The following SUGCT variants were observed in gnomAD, a reference collection of about 807,000 sequenced individuals.
SUGCT encodes the protein succinyl-CoA:glutarate CoA-transferase.
Under a neutral mutation model 55.0 loss-of-function variants are expected in SUGCT, and 41 were observed. The observed-to-expected ratio is 0.74, with a 90% CI of 0.58 to 0.97. The LOEUF (loss-of-function observed/expected upper bound fraction) is 0.97. Among genes scored for constraint, SUGCT ranks in the 50% least tolerant of loss-of-function variants. SUGCT has a pLI of 0.00. For synonymous variants in SUGCT, 187 were observed against 200.4 expected, an observed-to-expected ratio of 0.93 and a Z score of 0.56; for missense variants, 568 against 547.8, an observed-to-expected ratio of 1.04 and a Z score of -0.37.
intron 1 of SUGCT, among the ~76,000 whole-genome samples, chr7:40,138,461 G>A (rs1412633171): frequency 6.6e-6 from 1 of 152,212 alleles, no homozygotes; most frequent in Admixed American, 6.5e-5. Context: ...AAACATATGA[G>A]TGCAGGTGTC....
intron 7 of SUGCT, among the ~76,000 whole-genome samples, chr7:40,240,494 A>G (rs1029606284): frequency 6.6e-6 from 1 of 152,140 alleles, no homozygotes; most frequent in African/African-American, 2.4e-5. Flanking sequence ...CAAAAAAAAA[A>G]AGAAAAGAAT....
chr7:40,485,457 G>A (rs1175868859), intron 11 of SUGCT, among the ~76,000 whole-genome samples: 1 of 97,902 alleles, frequency 1.0e-5, no homozygotes, highest in Non-Finnish European at 1.9e-5. Flanking sequence ...ACTCGGTCTT[G>A]CTCTTTCACC....
At chr7:40,634,887 C>T (rs1460809482) in intron 12 of SUGCT, among the ~76,000 whole-genome samples, 1 of 152,112 alleles carries the variant, frequency 6.6e-6, no homozygotes, top group African/African-American at 2.4e-5. Context: ...AATAACTCAT[C>T]ACAAATCTTG....
the SUGCT span, among the ~76,000 whole-genome samples, chr7:40,871,116 A>G: frequency 1.3e-5 from 2 of 152,218 alleles, no homozygotes; most frequent in Admixed American, 1.3e-4. Context: ...GCTAATTGTT[A>G]CTGGAATATC....
At chr7:40,314,125 G>A (rs988490355) in intron 8 of SUGCT, among the ~76,000 whole-genome samples, 1 of 152,146 alleles carries the variant, frequency 6.6e-6, no homozygotes, top group East Asian at 1.9e-4. Context: ...TGAAAAGAAA[G>A]AATAAGATAG....
At chr7:40,147,720 T>G (rs1788332663) in intron 1 of SUGCT, among the ~76,000 whole-genome samples, 3 of 152,168 alleles carry the variant, frequency 2.0e-5, no homozygotes, top group Admixed American at 1.3e-4. Context: ...GGTCCTGATT[T>G]CTCACCCCTG....
intron 13 of SUGCT, among the ~76,000 whole-genome samples, chr7:40,768,073 C>T (rs545251101): frequency 1.3e-5 from 2 of 152,264 alleles, no homozygotes; most frequent in South Asian, 2.1e-4. Flanking sequence ...ATGCCCCATA[C>T]TCCCTCAGGG....
intron 7 of SUGCT, among the ~76,000 whole-genome samples, chr7:40,246,165 C>T (rs1789860625): frequency 6.6e-6 from 1 of 152,138 alleles, no homozygotes; most frequent in Non-Finnish European, 1.5e-5. Flanking sequence ...CCAAGCAATA[C>T]TACCTCCTCC....
intron 13 of SUGCT, among the ~76,000 whole-genome samples, chr7:40,837,063 A>G (rs1313552849): frequency 6.6e-6 from 1 of 152,222 alleles, no homozygotes; most frequent in Non-Finnish European, 1.5e-5. Context: ...ACAGCAATGT[A>G]TGAGTGATCC....
intron 13 of SUGCT, among the ~76,000 whole-genome samples, chr7:40,858,817 G>C (rs1318084330): frequency 6.6e-6 from 1 of 152,336 alleles, no homozygotes; most frequent in Non-Finnish European, 1.5e-5. Flanking sequence ...CTAAGCTTCA[G>C]AGAAGGAAAA....
At chr7:40,196,861 G>A (rs1290931906) in intron 6 of SUGCT, among the ~76,000 whole-genome samples, 1 of 152,124 alleles carries the variant, frequency 6.6e-6, no homozygotes, top group Non-Finnish European at 1.5e-5. Flanking sequence ...TGGAGGCAGT[G>A]TATCTCTCTG....
At chr7:40,826,080 T>G (rs1267649521) in intron 13 of SUGCT, among the ~76,000 whole-genome samples, 1 of 152,238 alleles carries the variant, frequency 6.6e-6, no homozygotes, top group Non-Finnish European at 1.5e-5. Flanking sequence ...ACTGCATTTT[T>G]AAATCCTCAT....
intron 8 of SUGCT, among the ~76,000 whole-genome samples, chr7:40,310,089 G>C (rs920484685): frequency 2.0e-5 from 3 of 152,134 alleles, no homozygotes; most frequent in Admixed American, 1.3e-4. Context: ...TGTATGGAAA[G>C]GGGGAGGAAA....
intron 9 of SUGCT, among the ~76,000 whole-genome samples, chr7:40,352,397 T>G (rs1267284644): frequency 2.0e-5 from 3 of 152,176 alleles, no homozygotes; most frequent in African/African-American, 7.2e-5. Flanking sequence ...CACTGGAGTT[T>G]GGAGTACAGA....
the SUGCT span, among the ~76,000 whole-genome samples, chr7:41,034,699 G>C: frequency 0.29 from 44,495 of 152,088 alleles, 7,744 homozygotes; most frequent in Admixed American, 0.44. Context: ...CTTCTTCTGC[G>C]TGTCCATTCA....
intron 12 of SUGCT, among the ~76,000 whole-genome samples, chr7:40,691,304 G>A (rs1784688775): frequency 6.6e-6 from 1 of 151,648 alleles, no homozygotes; most frequent in South Asian, 2.1e-4. Context: ...TAATTTATGT[G>A]AGAAACTTTT....
intron 13 of SUGCT, among the ~76,000 whole-genome samples, chr7:40,843,348 A>G (rs1025938374): frequency 6.6e-6 from 1 of 152,056 alleles, no homozygotes; most frequent in Non-Finnish European, 1.5e-5. Context: ...CGTCTCTACT[A>G]AAAATACCAA....
rs67372014 is a variant in SUGCT at position 40,250,828 on chromosome 7, CTTTTTTTTTTT to C, written c.576+13118_576+13128del. ...AAGATGTTGAAGTCATTTCACGCTTCTTTTTTTTTTTTTTTTTTTTTTTTTTAAGACGGGGT... is the reference window on the plus strand; with the variant it reads ...AAGATGTTGAAGTCATTTCACGCTTCTTTTTTTTTTTTTTTAAGACGGGGT... On this transcript the variant is annotated intron_variant, in intron 7 of 13. Transcript: ENST00000335693. Among the ~76,000 whole-genome samples the C allele has an allele frequency of 7.3e-4, 89 of 121,234 alleles. 2 individuals carry two copies. The South Asian group carries it at 0.021, about 29-fold the overall frequency. 79.5% of individuals were successfully genotyped at this position (121,234 alleles called of 152,430 possible).
At chr7:40,181,923 A>C in intron 2 of SUGCT, 32 bp from the exon 3 acceptor site, 4 of 1,247,320 alleles carry the variant, frequency 3.2e-6, no homozygotes, top group Non-Finnish European at 3.4e-6. Flanking sequence ...TCAAGATGGT[A>C]ATTAATTTAT....
Sources: gnomAD v4.1 joint callset for allele counts (sites outside exome capture counted in the v4.1 genomes callset) on GRCh38, gnomAD v4.1.1 for gene constraint, MANE v1.5 for transcripts, NCBI Gene and HGNC (gene_info 2026-07-23, HGNC 2026-07-21) for gene names.